AGBL2: variants seen among roughly 807,000 people sequenced by gnomAD.
AGBL2 encodes the protein AGBL carboxypeptidase 2.
AGBL2 carries 87 observed loss-of-function variants against 103.0 expected under a neutral mutation model. The ratio of observed to expected loss-of-function variants is 0.84; its 90% CI spans 0.71 to 1.01. The LOEUF (loss-of-function observed/expected upper bound fraction) is 1.01. Among genes scored for constraint, AGBL2 ranks in the 50% least tolerant of loss-of-function variants. The pLI, the probability that AGBL2 is intolerant of heterozygous loss-of-function variation, is 0.00. For synonymous variants in AGBL2, 335 were observed against 356.7 expected (o/e 0.94, Z 0.69); for missense variants, 904 against 1,023.5 (o/e 0.88, Z 1.59).
chr11:47,704,001 C>T (rs982071196), intron 7 of AGBL2, among the ~76,000 whole-genome samples: 1 of 150,386 alleles, frequency 6.6e-6, no homozygotes, highest in Non-Finnish European at 1.5e-5. Flanking sequence ...ACTTGGGGGG[C>T]TTAGGCAGGA....
At chr11:47,710,075 G>T (rs1430259706) in intron 4 of AGBL2, 1 of 263,130 alleles carries the variant, frequency 3.8e-6, no homozygotes, top group African/African-American at 2.2e-5. Flanking sequence ...TTTTAGTAGA[G>T]CTGGGGTTTT....
chr11:47,708,754 T>C (rs1253121455), intron 4 of AGBL2, among the ~76,000 whole-genome samples: 4 of 149,706 alleles, frequency 2.7e-5, no homozygotes, highest in Admixed American at 2.7e-4. Context: ...GCGGAGGTTG[T>C]AGTGAGCCGA....
intron 17 of AGBL2, 115 bp from the exon 18 acceptor site, chr11:47,663,227 C>A: frequency 4.4e-6 from 3 of 687,188 alleles, no homozygotes; most frequent in South Asian, 2.0e-5. Context: ...TGTGATATTC[C>A]CACATAAAAG....
chr11:47,704,349 G>A (rs773333082), intron 7 of AGBL2, among the ~76,000 whole-genome samples, 194 bp downstream of exon 7: 20 of 151,580 alleles, frequency 1.3e-4, no homozygotes, highest in Non-Finnish European at 2.9e-4. Flanking sequence ...GCGTGGTGGT[G>A]TGCGCCTGTA....
At chr11:47,678,343 A>ATTTTATTATTTTTTTTTTTTTTTTTTTTT (rs2097385823) in intron 13 of AGBL2, among the ~76,000 whole-genome samples, 3 of 116,748 alleles carry the variant, frequency 2.6e-5, no homozygotes, top group Non-Finnish European at 5.7e-5. Flanking sequence ...TTATTATTTT[A>ATTTTATTATTTTTTTTTTTTTTTTTTTTT]TTTTTTTTGA....
chr11:47,681,905 T>C, intron 12 of AGBL2, 64 bp downstream of exon 12: 1 of 1,566,202 alleles, frequency 6.4e-7, no homozygotes, highest in Non-Finnish European at 8.7e-7. Context: ...GCATTTTATC[T>C]CCCTGATGCT....
intron 14 of AGBL2, 91 bp downstream of exon 14, chr11:47,677,180 G>T: frequency 9.0e-7 from 1 of 1,111,128 alleles, no homozygotes; most frequent in South Asian, 2.5e-5. Context: ...GCTAATTTTT[G>T]TATTTTTTGT....
chr11:47,695,185 A>G (rs1304329011), intron 8 of AGBL2, among the ~76,000 whole-genome samples: 1 of 141,636 alleles, frequency 7.1e-6, no homozygotes, highest in African/African-American at 2.6e-5. Flanking sequence ...CAAAAACGCC[A>G]CAACAAAGGC....
In AGBL2 at chr11:47,685,926, A is replaced by G. The variant is rs2097421762; in HGVS notation, c.1755T>C (p.Phe585=). The change falls in exon 11 of 19, where the codon TTT becomes TTC. Residue 585 remains phenylalanine (F), a synonymous_variant. Coordinates refer to ENST00000525123, the MANE Select transcript of AGBL2 (RefSeq NM_024783.4). ...NRKYWLHERV[F]PLMLCKNAPD... is the part of the protein sequence containing the mutation. ...GTGCATTTTTGCATAACATTAAAGGAAAGACTCGTTCATGAAGCCAGTATT... is the reference window on the plus strand; with the variant it reads ...GTGCATTTTTGCATAACATTAAAGGGAAGACTCGTTCATGAAGCCAGTATT... 6.2e-7 allele frequency: 1 copy of G among 1,614,116 alleles called. No individual in the cohort carries two copies. Among genetic ancestry groups the G allele is most frequent in the Non-Finnish European group, 8.5e-7 (1 of 1,179,998 alleles).
intron 9 of AGBL2, among the ~76,000 whole-genome samples, chr11:47,691,358 A>T (rs1044583082): frequency 3.3e-5 from 5 of 151,854 alleles, no homozygotes; most frequent in East Asian, 1.9e-4. Flanking sequence ...TGGAAAAAAA[A>T]TTTGCCAATT....
chr11:47,668,166 G>A (rs11601397), intron 15 of AGBL2, among the ~76,000 whole-genome samples: 3,452 of 128,772 alleles, frequency 0.027, 57 homozygotes, highest in Middle Eastern at 0.047. Context: ...CTGAGATCAC[G>A]CCCCTGAACT....
intron 11 of AGBL2, among the ~76,000 whole-genome samples, chr11:47,683,213 A>T (rs577328886): frequency 9.9e-5 from 15 of 152,136 alleles, no homozygotes; most frequent in Admixed American, 9.2e-4. Flanking sequence ...TCTACTAAAA[A>T]TACAAAAAAA....
At position 47,674,986 on chromosome 11, in the gene AGBL2, G is replaced by A. The variant is rs151258832; in HGVS notation, c.2147+2285C>T. 9.8e-4 allele frequency among the ~76,000 whole-genome samples: 149 copies of A among 152,022 alleles called. 1 individual carries two copies. Among genetic ancestry groups the A allele is most frequent in the Non-Finnish European group, 1.7e-3 (116 of 67,982 alleles). On this transcript the variant is annotated intron_variant, in intron 14 of 18. Coordinates refer to ENST00000525123, the MANE Select transcript of AGBL2 (RefSeq NM_024783.4). Reference sequence around the variant, plus strand: ...TGACATCAGGTGATCTGCCAGCCTCGGCCTCCCAAAGTCCTGGGATTACAG... The same window carrying A: ...TGACATCAGGTGATCTGCCAGCCTCAGCCTCCCAAAGTCCTGGGATTACAG...
At position 47,692,007 on chromosome 11, in the gene AGBL2, C is replaced by T. The variant is rs2097449469; in HGVS notation, c.848+96G>A. 8 of 1,182,502 alleles carry T rather than the reference C, an allele frequency of 6.8e-6. No homozygotes were observed. In the South Asian group the frequency reaches 1.3e-4, roughly 19 times the overall value. The allele number at this position is 1,182,502 out of a possible 1,614,324, so 73.3% of individuals were successfully genotyped here. A position where few individuals can be genotyped will look rare whatever the true frequency, so the allele number is the denominator to read the frequency against. Reference sequence around the variant, plus strand: ...TACCCATAACTATTCCCCATCACCTCTTTCTTTTTTGCAAGTACTTCTGAT... The same window carrying T: ...TACCCATAACTATTCCCCATCACCTTTTTCTTTTTTGCAAGTACTTCTGAT... On this transcript the variant is annotated intron_variant, in intron 9 of 18. Coordinates refer to ENST00000525123, the MANE Select transcript of AGBL2 (RefSeq NM_024783.4).
chr11:47,674,813 G>A (rs1332990535), intron 14 of AGBL2, among the ~76,000 whole-genome samples: 1 of 151,458 alleles, frequency 6.6e-6, no homozygotes, highest in Non-Finnish European at 1.5e-5. Flanking sequence ...TCGGCTCACT[G>A]CAACCTCCGT....
chr11:47,690,616 T>G lies in AGBL2; in HGVS notation c.1091A>C (p.Lys364Thr). Residue 364 changes from lysine to threonine, a missense_variant, in exon 10 of 19, where the codon AAG (lysine) becomes ACG (threonine). Lys to Thr is a moderately conservative substitution (Grantham distance 78). Transcript: ENST00000525123. ...CTGCTGCCCATCATCCGTGTTGTTC[T>G]TGTAGTACTTGATTTCATTTCCTTC... ...RREGNEIKYY[K>T]NNTDDGQQPF... 6.2e-7 allele frequency: 1 copy of G among 1,614,212 alleles called. No individual in the cohort carries two copies. The highest frequency in any genetic ancestry group is 8.5e-7 in the Non-Finnish European group (1 of 1,180,048).
chr11:47,696,895 TG>T (rs1347140655), intron 8 of AGBL2, among the ~76,000 whole-genome samples: 1 of 152,146 alleles, frequency 6.6e-6, no homozygotes. Flanking sequence ...ATCAGTTTTC[TG>T]TCTTCTATTC....
intron 10 of AGBL2, among the ~76,000 whole-genome samples, chr11:47,689,424 C>G (rs759401148): frequency 1.3e-5 from 2 of 151,606 alleles, no homozygotes; most frequent in Non-Finnish European, 2.9e-5. Context: ...CCTGCCTCAG[C>G]CTCTTCAGTA....
At chr11:47,701,984 A>G (rs1565081226) in intron 7 of AGBL2, among the ~76,000 whole-genome samples, 1 of 151,202 alleles carries the variant, frequency 6.6e-6, no homozygotes, top group Non-Finnish European at 1.5e-5. Context: ...AAAAAAAAAA[A>G]AAAAAAAAGA....
Sources: gnomAD v4.1 joint callset for allele counts (sites outside exome capture counted in the v4.1 genomes callset) on GRCh38, gnomAD v4.1.1 for gene constraint, MANE v1.5 for transcripts, NCBI Gene and HGNC (gene_info 2026-07-23, HGNC 2026-07-21) for gene names.